Variants in UBAP2 observed in about 807,000 individuals in gnomAD.
UBAP2 encodes ubiquitin-associated protein 2.
A neutral mutation model predicts 139.6 loss-of-function variants in UBAP2; 75 were observed. The ratio of observed to expected loss-of-function variants is 0.54; its 90% CI spans 0.45 to 0.65. The LOEUF is 0.65. Ranked by LOEUF, UBAP2 falls within the 30% of genes least tolerant of loss-of-function variation. The pLI is 0.00. For synonymous variants in UBAP2, 526 were observed against 526.2 expected, an observed-to-expected ratio of 1.00 and a Z score of 0.01; for missense variants, 1,368 against 1,369.6, an observed-to-expected ratio of 1.00 and a Z score of 0.02.
chr9:33,994,643 A>C (rs1376486184), intron 4 of UBAP2: 3 of 151,340 alleles, frequency 2.0e-5, no homozygotes, highest in Non-Finnish European at 4.4e-5. Context: ...TCAAAATTTT[A>C]ATTTATCATA....
At position 33,926,914 on chromosome 9, in the gene UBAP2, C is replaced by T. The variant is rs1474675177; in HGVS notation, c.2463+75G>A. The T allele has an allele frequency of 9.7e-5, 143 of 1,468,172 alleles. No homozygotes were observed. In the East Asian group the frequency reaches 1.4e-3, roughly 14 times the overall value. The allele number at this position is 1,468,172 out of a possible 1,614,324, so 90.9% of individuals were successfully genotyped here. A position where few individuals can be genotyped will look rare whatever the true frequency, so the allele number is the denominator to read the frequency against. ...CTCAAGGTGGGCAACCTGGGCCCAA[C>T]GCCAGGTTCCTGCCAGGTGCCAGCC... On this transcript the variant is annotated intron_variant, in intron 21 of 28. Transcript: ENST00000379238.
Position 33,996,134 on chromosome 9 carries a change from C to T in UBAP2, c.288+89G>A, listed in dbSNP as rs927219270. The T allele has an allele frequency of 1.1e-5, 11 of 957,586 alleles. No homozygotes were observed. The African/African-American group carries it at 1.6e-4, about 14-fold the overall frequency. 59.3% of individuals were successfully genotyped at this position (957,586 alleles called of 1,614,324 possible). ...TATGGAATGGCACCATAATCCATTC[C>T]ATCCCTACCCCCAAACAAGGTGAAG... On this transcript the variant is annotated intron_variant, in intron 4 of 28. Transcript: ENST00000379238.
chr9:33,927,978 C>G lies in UBAP2; in HGVS notation c.2190G>C (p.Glu730Asp), dbSNP rs752031907. 1.9e-6 allele frequency: 3 copies of G among 1,612,556 alleles called. No homozygotes were observed. The highest frequency in any genetic ancestry group is 2.5e-6 in the Non-Finnish European group (3 of 1,179,202). ...CTGAGGACTGGTGGGAAGAGGCGCT[C>G]TCCACACTGGCATGCTGGCAAAAGA... Reference protein sequence around the residue: ...SSTSHTHASVESASSHQSSAT... With the variant: ...SSTSHTHASVDSASSHQSSAT... Residue 730 changes from glutamate (E) to aspartate (D), a missense_variant, in exon 20 of 29, where the codon GAG becomes GAC. By Grantham distance (45) the Glu-to-Asp change is conservative. Coordinates refer to ENST00000379238, the MANE Select transcript of UBAP2 (RefSeq NM_001370062.2).
intron 11 of UBAP2, among the ~76,000 whole-genome samples, chr9:33,955,783 C>T (rs1265529387): frequency 1.3e-5 from 2 of 149,840 alleles, no homozygotes; most frequent in African/African-American, 2.5e-5. Flanking sequence ...GCCGAGATAG[C>T]GCCACTGCAC....
At chr9:34,031,350 A>C (rs1825872968) in intron 1 of UBAP2, among the ~76,000 whole-genome samples, 1 of 151,570 alleles carries the variant, frequency 6.6e-6, no homozygotes, top group Non-Finnish European at 1.5e-5. Flanking sequence ...AAATTTAGCC[A>C]GGCGTGGTGG....
intron 1 of UBAP2, among the ~76,000 whole-genome samples, chr9:34,035,514 A>AAAAAAAAAAAAAATATATATATATATAT: frequency 4.4e-5 from 1 of 22,474 alleles, no homozygotes; most frequent in African/African-American, 1.3e-4. Flanking sequence ...AAAAAAAAAA[A>AAAAAAAAAAAAAATATATATATATATAT]ATATATATAT....
At chr9:34,015,423 A>G (rs535496095) in intron 2 of UBAP2, among the ~76,000 whole-genome samples, 1 of 152,078 alleles carries the variant, frequency 6.6e-6, no homozygotes, top group South Asian at 2.1e-4. Flanking sequence ...GGTTCAAGCA[A>G]TTCTCCCTGC....
chr9:34,013,078 C>CA (rs1166932737), intron 2 of UBAP2, among the ~76,000 whole-genome samples: 1 of 142,432 alleles, frequency 7.0e-6, no homozygotes, highest in Admixed American at 7.5e-5. Context: ...CACTTGAACC[C>CA]AGGAGGCACA....
chr9:34,041,949 C>T (rs370068863), intron 1 of UBAP2, among the ~76,000 whole-genome samples: 4 of 151,394 alleles, frequency 2.6e-5, no homozygotes, highest in East Asian at 2.0e-4. Context: ...CGCTTGAACC[C>T]GGGAGGTGAA....
intron 13 of UBAP2, among the ~76,000 whole-genome samples, chr9:33,948,088 A>C (rs1371420809): frequency 6.6e-6 from 1 of 152,118 alleles, no homozygotes; most frequent in Non-Finnish European, 1.5e-5. Context: ...CATTTACACA[A>C]AGTGTTAGAT....
chr9:34,044,205 T>C (rs1016987251), intron 1 of UBAP2, among the ~76,000 whole-genome samples: 4 of 150,586 alleles, frequency 2.7e-5, no homozygotes, highest in Non-Finnish European at 5.9e-5. Flanking sequence ...ATCAAGACCA[T>C]CCTGGCTAAC....
intron 1 of UBAP2, among the ~76,000 whole-genome samples, chr9:34,020,472 G>A (rs993814498): frequency 1.1e-4 from 16 of 151,294 alleles, no homozygotes. Context: ...CCAGAGGCAC[G>A]CGCCACCATG....
intron 12 of UBAP2, 152 bp from the exon 13 acceptor site, chr9:33,948,739 A>C: frequency 5.1e-6 from 3 of 588,514 alleles, no homozygotes; most frequent in Non-Finnish European, 8.6e-6. Context: ...ACTACATGAA[A>C]ATATTACTAT....
chr9:34,032,194 T>C (rs1825946706), intron 1 of UBAP2, among the ~76,000 whole-genome samples: 1 of 152,096 alleles, frequency 6.6e-6, no homozygotes. Context: ...TCAAATTCTA[T>C]CCCTAAACGT....
chr9:34,016,986 A>T, intron 2 of UBAP2, 64 bp downstream of exon 2: 1 of 1,191,012 alleles, frequency 8.4e-7, no homozygotes. Flanking sequence ...ATACCCTAAA[A>T]CTTCAAGTAT....
chr9:34,030,596 T>C (rs1825809788), intron 1 of UBAP2, among the ~76,000 whole-genome samples: 1 of 151,504 alleles, frequency 6.6e-6, no homozygotes, highest in Non-Finnish European at 1.5e-5. Context: ...GCACTCCTAG[T>C]ACAGTGCCCA....
intron 6 of UBAP2, among the ~76,000 whole-genome samples, chr9:33,982,577 C>A (rs1359094641): frequency 6.6e-6 from 1 of 152,086 alleles, no homozygotes; most frequent in Non-Finnish European, 1.5e-5. Context: ...TCCTATTCAC[C>A]GGTATATATA....
intron 2 of UBAP2, among the ~76,000 whole-genome samples, chr9:34,010,451 A>T (rs543658624): frequency 3.3e-4 from 47 of 144,292 alleles, no homozygotes; most frequent in African/African-American, 1.1e-3. Flanking sequence ...AAAAAAAAAG[A>T]CAATAAACAA....
chr9:33,944,429 GAC>G lies in UBAP2; in HGVS notation c.1479_1480del (p.Ser494CysfsTer13). ...GTGTTTGGGCTGTGGCTGGTGGACAGACACAGAGATATTTTCAATGGTCGTGC... is the reference window on the plus strand; with the variant it reads ...GTGTTTGGGCTGTGGCTGGTGGACAGACAGAGATATTTTCAATGGTCGTGC... On this transcript the variant is annotated frameshift_variant, in exon 14 of 29. Coordinates refer to ENST00000379238, the MANE Select transcript of UBAP2 (RefSeq NM_001370062.2). LOFTEE classifies it high-confidence loss of function. 1 of 1,614,176 alleles carries G rather than the reference GAC, an allele frequency of 6.2e-7. No individual in the cohort carries two copies. The highest frequency in any genetic ancestry group is 8.5e-7 in the Non-Finnish European group (1 of 1,180,042).
Sources: gnomAD v4.1 joint callset for allele counts (sites outside exome capture counted in the v4.1 genomes callset) on GRCh38, gnomAD v4.1.1 for gene constraint, MANE v1.5 for transcripts, NCBI Gene and HGNC (gene_info 2026-07-23, HGNC 2026-07-21) for gene names.